The following LYZL6 variants were observed in gnomAD, a reference collection of about 807,000 sequenced individuals.
LYZL6 encodes lysozyme like 6, also known as lysozyme-like protein 6.
In LYZL6, 21 loss-of-function variants were observed where a neutral mutation model predicts 15.0. That is an observed-to-expected ratio of 1.40 (90% CI 1.00 to 2.02). The LOEUF is 2.02. Among genes scored for constraint, LYZL6 ranks in the 30% most tolerant of loss-of-function variants. The pLI, the probability that LYZL6 is intolerant of heterozygous loss-of-function variation, is 0.00. For synonymous variants in LYZL6, 72 were observed against 67.8 expected (o/e 1.06, Z -0.31); for missense variants, 173 against 180.5 (o/e 0.96, Z 0.24).
chr17:35,942,988 C>G (rs544463253), intron 1 of LYZL6, among the ~76,000 whole-genome samples: 6 of 152,268 alleles, frequency 3.9e-5, no homozygotes, highest in Admixed American at 3.3e-4. Context: ...AGATAGCACA[C>G]CTGGTCCCAA....
intron 1 of LYZL6, among the ~76,000 whole-genome samples, chr17:35,942,860 A>G (rs1329038823): frequency 6.6e-6 from 1 of 152,178 alleles, no homozygotes. Flanking sequence ...CAGCTGCAAG[A>G]TGTGTGGGAA....
Position 35,938,604 on chromosome 17 carries a change from C to T in LYZL6, c.139+614G>A, listed in dbSNP as rs368898234. ...CTACACTCCAGCCTGGGTGACAGAG[C>T]GAGACTCTGTCTAAAAAAAAAAAAA... On this transcript the variant is annotated intron_variant, in intron 2 of 4. Transcript: ENST00000615905. Among the ~76,000 whole-genome samples, 257 of 142,764 alleles carry T rather than the reference C, an allele frequency of 1.8e-3. 1 individual carries two copies. Among genetic ancestry groups the T allele is most frequent in the African/African-American group, 6.3e-3 (243 of 38,436 alleles). The allele number at this position is 142,764 out of a possible 152,430, so 93.7% of individuals were successfully genotyped here.
intron 1 of LYZL6, among the ~76,000 whole-genome samples, chr17:35,939,959 G>A (rs1228244621): frequency 2.0e-5 from 3 of 152,112 alleles, no homozygotes; most frequent in Non-Finnish European, 4.4e-5. Flanking sequence ...AAGAGGGCCA[G>A]GACACTGGGT....
chr17:35,937,692 G>T, intron 3 of LYZL6, 66 bp downstream of exon 3: 1 of 1,538,884 alleles, frequency 6.5e-7, no homozygotes, highest in Non-Finnish European at 8.8e-7. Context: ...TGGGTGGGAA[G>T]AGAAGTTCTG....
rs1370022670 is a variant in LYZL6, at chr17:35,939,462, G to A, written c.-106C>T. 1.7e-6 allele frequency: 2 copies of A among 1,148,350 alleles called. No homozygotes were observed. The highest frequency in any genetic ancestry group is 2.5e-6 in the Non-Finnish European group (2 of 805,366). 71.1% of individuals were successfully genotyped at this position (1,148,350 alleles called of 1,614,324 possible). A position where few individuals can be genotyped will look rare whatever the true frequency, so the allele number is the denominator to read the frequency against. On this transcript the variant is annotated 5_prime_UTR_variant, in exon 2 of 5. Transcript: ENST00000615905. ...TGGGGAATCTGGAGAGGGCAGCCAG[G>A]TTTCCTTACTCACTCACTGCTCCAA...
In LYZL6 at chr17:35,937,860, C is replaced by T. The variant is rs749742288; in HGVS notation, c.196G>A (p.Ala66Thr). ...AGGCCATAGTCAAAGCTTCCGTCTG[C>T]ATTTTCATTTATCTTTGATATGTTG... is the stretch of plus-strand genomic sequence containing the variant. ...KFNISKINEN[A>T]DGSFDYGLFQ... The change falls in exon 3 of 5, where the codon GCA (alanine) becomes ACA (threonine). Residue 66 changes from alanine to threonine, a missense_variant. Coordinates refer to ENST00000615905, the MANE Select transcript of LYZL6 (RefSeq NM_020426.4). 1 of 1,614,078 alleles carries T rather than the reference C, an allele frequency of 6.2e-7. No individual in the cohort carries two copies. The highest frequency in any genetic ancestry group is 8.5e-7 in the Non-Finnish European group (1 of 1,180,006).
At chr17:35,937,993 G>T in intron 2 of LYZL6, 77 bp from the exon 3 acceptor site, 2 of 1,458,782 alleles carry the variant, frequency 1.4e-6, no homozygotes, top group East Asian at 4.6e-5. Context: ...AGAAAGGGAG[G>T]CAAGGTTTCA....
intron 1 of LYZL6, among the ~76,000 whole-genome samples, chr17:35,942,604 C>T (rs2089432056): frequency 6.6e-6 from 1 of 152,170 alleles, no homozygotes; most frequent in Non-Finnish European, 1.5e-5. Flanking sequence ...AAGATAGCTC[C>T]CTTTCTAACC....
chr17:35,942,838 T>G (rs34464091), intron 1 of LYZL6, among the ~76,000 whole-genome samples: 17,371 of 152,052 alleles, frequency 0.11, 1,070 homozygotes, highest in East Asian at 0.25. Flanking sequence ...GCAGAATCGA[T>G]GGGTATGCCT....
intron 2 of LYZL6, among the ~76,000 whole-genome samples, chr17:35,938,758 C>A (rs914023776): frequency 8.5e-5 from 13 of 152,300 alleles, no homozygotes; most frequent in African/African-American, 3.1e-4. Flanking sequence ...TACTAGCTGT[C>A]CCCTCTGCCT....
chr17:35,936,599 G>T, intron 4 of LYZL6, 156 bp downstream of exon 4: 1 of 625,768 alleles, frequency 1.6e-6, no homozygotes, highest in Non-Finnish European at 2.8e-6. Context: ...CAATATCATA[G>T]AAGAACCAGA....
At position 35,937,772 on chromosome 17, in the gene LYZL6, T is replaced by C. The variant is rs746603503; in HGVS notation, c.284A>G (p.His95Arg). 3.1e-6 allele frequency: 5 copies of C among 1,614,186 alleles called. No individual in the cohort carries two copies. Among genetic ancestry groups the C allele is most frequent in the Middle Eastern group, 1.6e-4 (1 of 6,062 alleles). The change falls in exon 3 of 5, where the codon CAC becomes CGC. Residue 95 changes from histidine (H) to arginine (R), a missense_variant. By Grantham distance (29) the His-to-Arg change is conservative (BLOSUM62 0). Transcript: ENST00000615905. ...CCTGGCCAGACCTTGACAGTCTACG[T>C]GGCAAAGGTTTTCCGAGTAACTCTT... ...DYKSYSENLC[H>R]VDCQDLLNPN...
intron 4 of LYZL6, 146 bp from the exon 5 acceptor site, chr17:35,935,011 C>T (rs1414753737): frequency 9.2e-6 from 6 of 654,548 alleles, no homozygotes; most frequent in Non-Finnish European, 1.6e-5. Flanking sequence ...CTCCACTGTC[C>T]CCTCTGACGA....
Position 35,939,443 on chromosome 17 carries a change from A to G in LYZL6, c.-87T>C, listed in dbSNP as rs2089407933. The G allele has an allele frequency of 7.0e-7, 1 of 1,422,898 alleles. No homozygotes were observed. The highest frequency in any genetic ancestry group is 9.6e-7 in the Non-Finnish European group (1 of 1,037,130). 88.1% of individuals were successfully genotyped at this position (1,422,898 alleles called of 1,614,324 possible). On this transcript the variant is annotated 5_prime_UTR_variant, in exon 2 of 5. Coordinates refer to ENST00000615905, the MANE Select transcript of LYZL6 (RefSeq NM_020426.4). ...CTGATCTTCTCTGAGAGCCTGGGGA[A>G]TCTGGAGAGGGCAGCCAGGTTTCCT...
chr17:35,940,746 A>G (rs1350597219), intron 1 of LYZL6, among the ~76,000 whole-genome samples: 3 of 152,174 alleles, frequency 2.0e-5, no homozygotes, highest in Non-Finnish European at 4.4e-5. Context: ...TGGACATTTC[A>G]TACACACGGA....
chr17:35,940,786 G>T (rs745396727), intron 1 of LYZL6, among the ~76,000 whole-genome samples: 3 of 152,128 alleles, frequency 2.0e-5, no homozygotes, highest in Non-Finnish European at 4.4e-5. Flanking sequence ...TTTGTATCTG[G>T]CTTCTTTCAC....
chr17:35,935,457 C>T (rs2141964537), intron 4 of LYZL6, among the ~76,000 whole-genome samples: 1 of 152,218 alleles, frequency 6.6e-6, no homozygotes, highest in African/African-American at 2.4e-5. Flanking sequence ...TCTCTGTCAC[C>T]CAGGCTGGAG....
At chr17:35,937,725 C>T (rs2089386767) in intron 3 of LYZL6, 33 bp downstream of exon 3, 1 of 1,601,420 alleles carries the variant, frequency 6.2e-7, no homozygotes, top group Non-Finnish European at 8.5e-7. Context: ...GGTTGCTGCT[C>T]TCATCTCTCC....
Position 35,934,527 on chromosome 17 carries a change from C to A in LYZL6, c.*269G>T. On this transcript the variant is annotated 3_prime_UTR_variant, in exon 5 of 5. Transcript: ENST00000615905. ...ATAAATGGACACAGTCTTTGCAGAGCGAGTGCTTTAATATTTCGATAAATA... is the reference window on the plus strand; with the variant it reads ...ATAAATGGACACAGTCTTTGCAGAGAGAGTGCTTTAATATTTCGATAAATA... The A allele has an allele frequency of 2.2e-6, 1 of 455,854 alleles. No homozygotes were observed. Among genetic ancestry groups the A allele is most frequent in the Non-Finnish European group, 3.9e-6 (1 of 254,238 alleles). 28.2% of individuals were successfully genotyped at this position (455,854 alleles called of 1,614,324 possible).
Sources: allele counts gnomAD v4.1 joint callset (sites outside exome capture counted in the v4.1 genomes callset), GRCh38; gene constraint gnomAD v4.1.1; transcripts MANE v1.5; gene names NCBI Gene and HGNC (gene_info 2026-07-23, HGNC 2026-07-21).